COL5A1: variants seen among roughly 807,000 people sequenced by gnomAD.
COL5A1 encodes the protein collagen alpha-1(V) chain.
A neutral mutation model predicts 263.7 loss-of-function variants in COL5A1; 16 were observed. That is an observed-to-expected ratio of 0.06 (90% CI 0.04 to 0.09). The LOEUF (loss-of-function observed/expected upper bound fraction) is 0.09, where lower values mean the gene tolerates loss of function less well. Among genes scored for constraint, COL5A1 ranks in the 10% least tolerant of loss-of-function variants. COL5A1 has a pLI of 1.00. For synonymous variants in COL5A1, 1,012 were observed against 1,004.5 expected (o/e 1.01, Z -0.14); for missense variants, 2,036 against 2,540.5 (o/e 0.80, Z 4.27).
intron 63 of COL5A1, among the ~76,000 whole-genome samples, chr9:134,828,896 CCA>C (rs149656451): frequency 0.04 from 5,876 of 147,976 alleles, 149 homozygotes; most frequent in Non-Finnish European, 0.058. Flanking sequence ...ACACATTATA[CCA>C]CACACACAGC....
intron 25 of COL5A1, 60 bp downstream of exon 25, chr9:134,768,523 G>A: frequency 1.3e-6 from 2 of 1,532,532 alleles, no homozygotes; most frequent in Non-Finnish European, 1.8e-6. Flanking sequence ...CTGCGGATAG[G>A]GCTGCAGGCC....
chr9:134,836,541 G>C (rs1278842238), intron 65 of COL5A1, among the ~76,000 whole-genome samples: 1 of 152,218 alleles, frequency 6.6e-6, no homozygotes, highest in Non-Finnish European at 1.5e-5. Context: ...CGGCCCTGCA[G>C]GGTGCCCTCT....
At chr9:134,771,685 A>G (rs896948547) in intron 25 of COL5A1, among the ~76,000 whole-genome samples, 2 of 152,222 alleles carry the variant, frequency 1.3e-5, no homozygotes, top group African/African-American at 4.8e-5. Context: ...TAGGCCACTC[A>G]AGGTAGAAGA....
At chr9:134,823,240 G>C (rs912955959) in intron 60 of COL5A1, among the ~76,000 whole-genome samples, 176 bp from the exon 61 acceptor site, 4 of 152,206 alleles carry the variant, frequency 2.6e-5, no homozygotes, top group East Asian at 1.9e-4. Context: ...ATCCCTCTCT[G>C]TTCTCATCTC....
In COL5A1 at chr9:134,700,380, C is replaced by T. The variant is rs1833627928; in HGVS notation, c.491+258C>T. ...TATCCCTTTGTAAAGTGCACTAAAGCACATCAAATTCCCGCCTGTTTGTGT... is the reference window on the plus strand; with the variant it reads ...TATCCCTTTGTAAAGTGCACTAAAGTACATCAAATTCCCGCCTGTTTGTGT... On this transcript the variant is annotated intron_variant, in intron 3 of 65. Transcript: ENST00000371817. The surrounding 1 kb of genome is among the most constrained non-coding windows in gnomAD (Gnocchi z 4.0). Among the ~76,000 whole-genome samples the T allele has an allele frequency of 6.6e-6, 1 of 152,196 alleles. No individual in the cohort carries two copies. The highest frequency in any genetic ancestry group is 6.5e-5 in the Admixed American group (1 of 15,280).
intron 41 of COL5A1, 123 bp from the exon 42 acceptor site, chr9:134,806,066 A>G: frequency 2.7e-6 from 2 of 749,140 alleles, no homozygotes; most frequent in South Asian, 1.5e-5. Context: ...GCAAAGGGCC[A>G]TAGGGAGCCA....
chr9:134,688,281 G>T (rs72772539), intron 1 of COL5A1, among the ~76,000 whole-genome samples: 2 of 152,300 alleles, frequency 1.3e-5, no homozygotes, highest in Non-Finnish European at 2.9e-5. Context: ...TCACGGGCTT[G>T]TTATGGTGTG....
Position 134,730,450 on chromosome 9 carries a change from C to T in COL5A1, c.1139C>T (p.Thr380Ile). Residue 380 changes from threonine to isoleucine, a missense_variant, in exon 7 of 66, where the codon ACC (threonine) becomes ATC (isoleucine). Thr to Ile is a moderately conservative substitution (Grantham distance 89, BLOSUM62 -1). Around this residue, in one of 3 missense-constraint regions of COL5A1, gnomAD observed 600 missense variants for 634.5 expected, o/e 0.95. Coordinates refer to ENST00000371817, the MANE Select transcript of COL5A1 (RefSeq NM_000093.5). ...GCTGGGGCCGAAATTCCCACCAGCA[C>T]CGCCGACACCTCCAACTCCTCCAAT... ...PGAGAEIPTS[T>I]ADTSNSSNPA... 1 of 1,614,142 alleles carries T rather than the reference C, an allele frequency of 6.2e-7. No individual in the cohort carries two copies. Among genetic ancestry groups the T allele is most frequent in the East Asian group, 2.2e-5 (1 of 44,874 alleles).
intron 4 of COL5A1, chr9:134,708,412 C>T (rs1588457172): frequency 2.5e-6 from 1 of 393,738 alleles, no homozygotes; most frequent in East Asian, 6.0e-5. Flanking sequence ...CGGCTCAGAG[C>T]AACTCCCGGG....
intron 1 of COL5A1, among the ~76,000 whole-genome samples, chr9:134,643,862 G>A (rs1443886806): frequency 6.6e-6 from 1 of 152,178 alleles, no homozygotes; most frequent in Non-Finnish European, 1.5e-5. Context: ...GACAGCTGGG[G>A]CAGGGCACTG....
intron 1 of COL5A1, among the ~76,000 whole-genome samples, chr9:134,684,828 C>A (rs1256991250): frequency 1.3e-5 from 2 of 152,196 alleles, no homozygotes; most frequent in African/African-American, 4.8e-5. Flanking sequence ...TTGCCCTATA[C>A]CTCCTGATTT....
rs144225603 is a variant in COL5A1 at position 134,789,483 on chromosome 9, G to T, written c.2700+275G>T. The stretch of plus-strand genomic sequence containing the variant: ...TCTAATTAGCACCACAATCCAGAAG[G>T]CTCTTTCAGGTCATTCTGAAAATCA... On this transcript the variant is annotated intron_variant, in intron 32 of 65. Transcript: ENST00000371817. This position sits in a 1 kb window ranked among gnomAD's most constrained non-coding sequence, Gnocchi z 4.8. Among the ~76,000 whole-genome samples the T allele has an allele frequency of 1.3e-5, 2 of 152,122 alleles. No individual in the cohort carries two copies. The highest frequency in any genetic ancestry group is 2.9e-5 in the Non-Finnish European group (2 of 68,018).
At chr9:134,736,270 C>A (rs1232002490) in intron 9 of COL5A1, among the ~76,000 whole-genome samples, 1 of 152,256 alleles carries the variant, frequency 6.6e-6, no homozygotes, top group African/African-American at 2.4e-5. Flanking sequence ...AACAGGACTT[C>A]ATTGGCCCAC....
chr9:134,681,783 G>T lies in COL5A1; in HGVS notation c.110-9129G>T, dbSNP rs536059827. 2.6e-5 allele frequency among the ~76,000 whole-genome samples: 4 copies of T among 152,326 alleles called. No individual in the cohort carries two copies. Among genetic ancestry groups the T allele is most frequent in the Admixed American group, 2.6e-4 (4 of 15,306 alleles). Reference sequence around the variant, plus strand: ...AGCCCGAGAATTGTGAAGACCTCAAGCTTGGGGTTATTTAGAGACTCTCAA... The same window carrying T: ...AGCCCGAGAATTGTGAAGACCTCAATCTTGGGGTTATTTAGAGACTCTCAA... On this transcript the variant is annotated intron_variant, in intron 1 of 65. Coordinates refer to ENST00000371817, the MANE Select transcript of COL5A1 (RefSeq NM_000093.5). This position sits in a 1 kb window ranked among gnomAD's most constrained non-coding sequence, Gnocchi z 4.3.
chr9:134,781,399 C>T (rs1408195301), intron 28 of COL5A1, among the ~76,000 whole-genome samples: 4 of 152,360 alleles, frequency 2.6e-5, no homozygotes, highest in Admixed American at 2.0e-4. Context: ...ACGTGGAGCC[C>T]GTCGGGGCTT....
intron 64 of COL5A1, among the ~76,000 whole-genome samples, chr9:134,833,312 G>A (rs1461122928): frequency 2.0e-5 from 3 of 152,236 alleles, no homozygotes; most frequent in East Asian, 1.9e-4. Flanking sequence ...TGCCCTGCAC[G>A]GGCCTTGCAC....
rs564574815 is a variant in COL5A1, at chr9:134,802,733, G to A, written c.3007-155G>A. ...AACACCCACCCTCTAGATTTTTGCC[G>A]GGAAGAGAAGGCTTGCAAAGGCACT... On this transcript the variant is annotated intron_variant, in intron 38 of 65. Coordinates refer to ENST00000371817, the MANE Select transcript of COL5A1 (RefSeq NM_000093.5). Among the ~76,000 whole-genome samples the A allele has an allele frequency of 3.9e-5, 6 of 152,352 alleles. No homozygotes were observed. In the East Asian group the frequency reaches 1.2e-3, roughly 29 times the overall value.
At position 134,678,997 on chromosome 9, in the gene COL5A1, GC is replaced by G. The variant is rs1026751456; in HGVS notation, c.110-11912del. Among the ~76,000 whole-genome samples, 7 of 152,188 alleles carry G rather than the reference GC, an allele frequency of 4.6e-5. No individual in the cohort carries two copies. The highest frequency in any genetic ancestry group is 1.7e-4 in the African/African-American group (7 of 41,452). On this transcript the variant is annotated intron_variant, in intron 1 of 65. Coordinates refer to ENST00000371817, the MANE Select transcript of COL5A1 (RefSeq NM_000093.5). This position sits in a 1 kb window ranked among gnomAD's most constrained non-coding sequence, Gnocchi z 5.5. The stretch of plus-strand genomic sequence containing the variant: ...TCTGTGTTGGGGTCACGTGGTATCT[GC>G]CCTCTGTTATCCGAGATGCCTTTCA...
chr9:134,765,774 G>C lies in COL5A1; in HGVS notation c.2088+40G>C, dbSNP rs201989681. 59 of 1,568,738 alleles carry C rather than the reference G, an allele frequency of 3.8e-5. No homozygotes were observed. The East Asian group carries it at 1.3e-3, about 35-fold the overall frequency. On this transcript the variant is annotated intron_variant, in intron 21 of 65. Transcript: ENST00000371817. The surrounding 1 kb of genome is among the most constrained non-coding windows in gnomAD (Gnocchi z 5.1). ...CGCCCTGCTTGTCTGCCCCCATCTC[G>C]GCCTTTGAGACCCCGCCTCCCAGCC...
Sources: allele counts gnomAD v4.1 joint callset (sites outside exome capture counted in the v4.1 genomes callset), GRCh38; gene constraint gnomAD v4.1.1; regional missense constraint gnomAD v4.1.1; non-coding constraint Gnocchi (gnomAD v3.1); transcripts MANE v1.5; gene names NCBI Gene and HGNC (gene_info 2026-07-23, HGNC 2026-07-21).